ZNF385D: variants seen among roughly 807,000 people sequenced by gnomAD.
ZNF385D encodes the protein zinc finger protein 385D.
In ZNF385D, 15 loss-of-function variants were observed where a neutral mutation model predicts 35.8. The observed-to-expected ratio is 0.42, with a 90% confidence interval of 0.28 to 0.64. The LOEUF (loss-of-function observed/expected upper bound fraction) is 0.64. Among genes scored for constraint, ZNF385D ranks in the 30% least tolerant of loss-of-function variants. ZNF385D has a pLI of 0.23. For missense variants in ZNF385D, 474 were observed against 494.6 expected, an observed-to-expected ratio of 0.96 and a Z score of 0.39; for synonymous variants, 212 against 186.8, an observed-to-expected ratio of 1.13 and a Z score of -1.10.
Position 21,954,435 on chromosome 3 carries a change from A to C in ZNF385D, c.325+214382T>G, listed in dbSNP as rs1011993793. ...TTAATTATTTTATAGGCTCACAAGG[A>C]TCTAAGGAGCCTTAGTAACACTTAG... On this transcript the variant is annotated intron_variant, in intron 3 of 5. Transcript: ENST00000494108. Among the ~76,000 whole-genome samples, 5 of 152,088 alleles carry C rather than the reference A, an allele frequency of 3.3e-5. No individual in the cohort carries two copies. The East Asian group carries it at 5.8e-4, about 18-fold the overall frequency.
intron 3 of ZNF385D, among the ~76,000 whole-genome samples, chr3:21,816,685 G>C (rs1223851666): frequency 2.0e-5 from 3 of 151,986 alleles, no homozygotes; most frequent in East Asian, 3.9e-4. Context: ...AAATAAAAGA[G>C]AACACAAAAA....
chr3:21,461,669 C>T (rs1483472712), intron 4 of ZNF385D, among the ~76,000 whole-genome samples: 1 of 152,180 alleles, frequency 6.6e-6, no homozygotes, highest in East Asian at 1.9e-4. Flanking sequence ...TCATGTTGGG[C>T]CAAATGTTAA....
At chr3:21,922,462 T>C (rs1171529143) in intron 3 of ZNF385D, among the ~76,000 whole-genome samples, 2 of 152,104 alleles carry the variant, frequency 1.3e-5, no homozygotes, top group Admixed American at 1.3e-4. Flanking sequence ...TGGAACAGAA[T>C]AGACAACCCA....
chr3:21,918,156 A>C (rs558599660), intron 3 of ZNF385D, among the ~76,000 whole-genome samples: 57 of 152,168 alleles, frequency 3.7e-4, no homozygotes, highest in African/African-American at 1.3e-3. Flanking sequence ...AATTTTAAAC[A>C]GTGGAAAAAT....
chr3:21,627,133 A>G (rs994994533), intron 2 of ZNF385D, among the ~76,000 whole-genome samples: 3 of 151,868 alleles, frequency 2.0e-5, no homozygotes, highest in Non-Finnish European at 4.4e-5. Context: ...TTTGGTGTTA[A>G]ATATATTTTT....
chr3:21,757,134 T>TTTTTTTTG (rs1553654008), intron 3 of ZNF385D, among the ~76,000 whole-genome samples: 19 of 128,276 alleles, frequency 1.5e-4, no homozygotes, highest in African/African-American at 5.0e-4. Flanking sequence ...TTTTTTTTTT[T>TTTTTTTTG]TTTTTGTTTT....
At chr3:22,371,185 G>T (rs566511492) in intron 2 of ZNF385D, among the ~76,000 whole-genome samples, 1 of 152,048 alleles carries the variant, frequency 6.6e-6, no homozygotes, top group Non-Finnish European at 1.5e-5. Context: ...TACCAGCATA[G>T]GCCAACGAGT....
intron 2 of ZNF385D, among the ~76,000 whole-genome samples, chr3:22,270,656 A>G (rs1297848693): frequency 6.7e-6 from 1 of 149,924 alleles, no homozygotes; most frequent in African/African-American, 2.5e-5. Flanking sequence ...ACATGATGTG[A>G]GATCTTTACT....
At chr3:22,320,102 C>G (rs768256267) in intron 2 of ZNF385D, among the ~76,000 whole-genome samples, 26 of 151,172 alleles carry the variant, frequency 1.7e-4, no homozygotes, top group Non-Finnish European at 3.1e-4. Context: ...CATGTGGAAT[C>G]TGGTGCTCTA....
At chr3:21,774,664 T>A (rs552268662) in intron 3 of ZNF385D, among the ~76,000 whole-genome samples, 1 of 151,778 alleles carries the variant, frequency 6.6e-6, no homozygotes, top group South Asian at 2.1e-4. Flanking sequence ...ATTTAAGAGA[T>A]TTTGTTGACT....
intron 2 of ZNF385D, among the ~76,000 whole-genome samples, chr3:21,590,268 G>T (rs1024533712): frequency 1.3e-5 from 2 of 152,172 alleles, no homozygotes; most frequent in East Asian, 1.9e-4. Context: ...TTATGTATAT[G>T]CTATGCTATT....
At chr3:21,926,335 C>T (rs1214368352) in intron 3 of ZNF385D, among the ~76,000 whole-genome samples, 1 of 151,992 alleles carries the variant, frequency 6.6e-6, no homozygotes, top group Non-Finnish European at 1.5e-5. Context: ...TCCCTGTGTC[C>T]ATGTGTTCTC....
chr3:22,089,659 G>A (rs1435241658), intron 3 of ZNF385D, among the ~76,000 whole-genome samples: 1 of 152,144 alleles, frequency 6.6e-6, no homozygotes, highest in Non-Finnish European at 1.5e-5. Flanking sequence ...TCTCTGCCCT[G>A]AGTAAGGGGG....
chr3:22,012,363 A>G (rs1696630678), intron 3 of ZNF385D, among the ~76,000 whole-genome samples: 1 of 152,166 alleles, frequency 6.6e-6, no homozygotes, highest in African/African-American at 2.4e-5. Flanking sequence ...ATAACATGCT[A>G]ACTATATACC....
At chr3:22,339,908 C>T (rs1007041130) in intron 2 of ZNF385D, among the ~76,000 whole-genome samples, 7 of 152,206 alleles carry the variant, frequency 4.6e-5, no homozygotes, top group African/African-American at 1.7e-4. Context: ...AGTTTCTCCA[C>T]CTAACCCTCT....
chr3:22,302,333 C>A (rs748074400), intron 2 of ZNF385D, among the ~76,000 whole-genome samples: 17 of 151,640 alleles, frequency 1.1e-4, no homozygotes, highest in Non-Finnish European at 2.5e-4. Context: ...GAGTTAGTTT[C>A]TCATTGTGAT....
intron 3 of ZNF385D, among the ~76,000 whole-genome samples, chr3:21,965,271 A>C (rs1294864629): frequency 1.3e-5 from 2 of 152,182 alleles, no homozygotes; most frequent in Non-Finnish European, 2.9e-5. Context: ...TTAAAAATTA[A>C]ATAATATGCA....
At chr3:21,862,232 A>G (rs985898064) in intron 3 of ZNF385D, among the ~76,000 whole-genome samples, 2 of 152,022 alleles carry the variant, frequency 1.3e-5, no homozygotes, top group African/African-American at 4.8e-5. Flanking sequence ...TAGGGATAGA[A>G]ACAGCCCTAC....
intron 3 of ZNF385D, among the ~76,000 whole-genome samples, chr3:22,153,923 A>G (rs763743623): frequency 1.3e-5 from 2 of 152,090 alleles, no homozygotes; most frequent in East Asian, 1.9e-4. Flanking sequence ...ACATTTAAAC[A>G]TGCTAATCAT....
Sources: allele counts gnomAD v4.1 joint callset (sites outside exome capture counted in the v4.1 genomes callset), GRCh38; gene constraint gnomAD v4.1.1; transcripts MANE v1.5; gene names NCBI Gene and HGNC (gene_info 2026-07-23, HGNC 2026-07-21).